The following PDE1B variants were observed in gnomAD, a reference collection of about 807,000 sequenced individuals.
The protein encoded by PDE1B is dual specificity calcium/calmodulin-dependent 3',5'-cyclic nucleotide phosphodiesterase 1B.
A neutral mutation model predicts 66.7 loss-of-function variants in PDE1B; 13 were observed. That is an observed-to-expected ratio of 0.19 (90% confidence interval 0.13 to 0.31). The LOEUF is 0.31. Ranked by LOEUF, PDE1B falls within the 10% of genes least tolerant of loss-of-function variation. The probability of loss-of-function intolerance (pLI) is 1.00; values close to 1 mark genes in which losing one functional copy is unlikely to be tolerated. For synonymous variants in PDE1B, 230 were observed against 253.9 expected (o/e 0.91, Z 0.90); for missense variants, 485 against 682.3 (o/e 0.71, Z 3.22).
intron 10 of PDE1B, chr12:54,574,413 GTTGT>G (rs1285277736): frequency 6.6e-6 from 1 of 152,402 alleles, no homozygotes; most frequent in Non-Finnish European, 1.5e-5. Context: ...ATACTTATTT[GTTGT>G]TTGTCACTTA....
intron 2 of PDE1B, among the ~76,000 whole-genome samples, chr12:54,561,899 TATC>T (rs1188055804): frequency 6.6e-6 from 1 of 152,094 alleles, no homozygotes; most frequent in African/African-American, 2.4e-5. Flanking sequence ...GTAGGTGACT[TATC>T]ATTGTTTCTT....
intron 2 of PDE1B, among the ~76,000 whole-genome samples, chr12:54,566,157 G>A (rs1172094002): frequency 1.3e-5 from 2 of 152,226 alleles, no homozygotes; most frequent in Non-Finnish European, 2.9e-5. Flanking sequence ...GAATTCATAA[G>A]TGTAAAACAT....
At chr12:54,562,524 A>T (rs1957435954) in intron 2 of PDE1B, among the ~76,000 whole-genome samples, 1 of 152,154 alleles carries the variant, frequency 6.6e-6, no homozygotes, top group African/African-American at 2.4e-5. Flanking sequence ...AGGGAAAGGT[A>T]CCTTTACTGT....
intron 6 of PDE1B, chr12:54,571,888 C>G (rs1437256278): frequency 6.6e-6 from 1 of 152,262 alleles, no homozygotes; most frequent in African/African-American, 2.4e-5. Context: ...CTACAGAAAC[C>G]TCCCGAGTCC....
At position 54,573,902 on chromosome 12, in the gene PDE1B, T is replaced by TCACACACA. The variant is rs1957672495; in HGVS notation, c.1064+193_1064+194insCACACACA. On this transcript the variant is annotated intron_variant, in intron 10 of 15. Coordinates refer to ENST00000243052, the MANE Select transcript of PDE1B (RefSeq NM_000924.4). This position sits in a 1 kb window ranked among gnomAD's most constrained non-coding sequence, Gnocchi z 5.2. ...GTGTGTGTGTGTGTGTGTGTGTGTG[T>TCACACACA]GTGTGTGTGTCCTTACGTTTACTCA... 1.7e-6 allele frequency: 1 copy of TCACACACA among 592,394 alleles called. No homozygotes were observed. Among genetic ancestry groups the TCACACACA allele is most frequent in the Non-Finnish European group, 3.0e-6 (1 of 329,128 alleles). The allele number at this position is 592,394 out of a possible 1,614,324, so 36.7% of individuals were successfully genotyped here.
At position 54,554,546 on chromosome 12, in the gene PDE1B, T is replaced by C. The variant is rs139579739; in HGVS notation, c.113+4561T>C. On this transcript the variant is annotated intron_variant, in intron 2 of 15. Transcript: ENST00000243052. ...TTTGTCTTGAATGAGGACTGTGTGG[T>C]ATCTCTGGGAAGGTAGAGGGTAGAA... Among the ~76,000 whole-genome samples, 406 of 152,272 alleles carry C rather than the reference T, an allele frequency of 2.7e-3. 8 individuals are homozygous for C. The highest frequency in any genetic ancestry group is 0.026 in the Admixed American group (392 of 15,294).
At chr12:54,576,549 C>G (rs1406340221) in intron 13 of PDE1B, 22 bp from the exon 14 acceptor site, 10 of 1,613,906 alleles carry the variant, frequency 6.2e-6, no homozygotes, top group Non-Finnish European at 8.5e-6. Flanking sequence ...CCTCTTGCGG[C>G]TTTTGGGGGT....
Position 54,569,650 on chromosome 12 carries a change from G to A in PDE1B, c.477+38G>A. ...TTTTTGGGAAAGAGGAGAAAGTTAG[G>A]GGATGGAATAGCCACTGGGACTTCT... On this transcript the variant is annotated intron_variant, in intron 5 of 15. Transcript: ENST00000243052. The surrounding 1 kb of genome is among the most constrained non-coding windows in gnomAD (Gnocchi z 4.4). The A allele has an allele frequency of 1.4e-6, 2 of 1,425,564 alleles. No homozygotes were observed. The highest frequency in any genetic ancestry group is 1.4e-5 in the African/African-American group (1 of 71,268). The allele number at this position is 1,425,564 out of a possible 1,614,324, so 88.3% of individuals were successfully genotyped here. A position where few individuals can be genotyped will look rare whatever the true frequency, so the allele number is the denominator to read the frequency against.
Position 54,569,006 on chromosome 12 carries a change from T to G in PDE1B, c.228-178T>G, listed in dbSNP as rs1957569758. The G allele has an allele frequency of 9.2e-7, 1 of 1,084,868 alleles. No homozygotes were observed. The allele number at this position is 1,084,868 out of a possible 1,614,324, so 67.2% of individuals were successfully genotyped here. A position where few individuals can be genotyped will look rare whatever the true frequency, so the allele number is the denominator to read the frequency against. ...TCACTACCTCACATGGAGACCTGTTTCATTATTGGAGATGTTAGATAAAGA... is the reference window on the plus strand; with the variant it reads ...TCACTACCTCACATGGAGACCTGTTGCATTATTGGAGATGTTAGATAAAGA... On this transcript the variant is annotated intron_variant, in intron 3 of 15. Transcript: ENST00000243052. This position sits in a 1 kb window ranked among gnomAD's most constrained non-coding sequence, Gnocchi z 4.4.
intron 2 of PDE1B, among the ~76,000 whole-genome samples, chr12:54,557,296 T>A (rs940551930): frequency 2.6e-5 from 4 of 152,184 alleles, no homozygotes; most frequent in Admixed American, 2.0e-4. Flanking sequence ...TAAATTGCAG[T>A]GAAATAAATT....
intron 2 of PDE1B, among the ~76,000 whole-genome samples, chr12:54,550,640 G>A (rs540163534): frequency 6.8e-4 from 103 of 152,236 alleles, no homozygotes; most frequent in African/African-American, 2.4e-3. Flanking sequence ...CCTGGAAGCT[G>A]AAGGAGGTGA....
At chr12:54,563,003 C>T (rs1374061430) in intron 2 of PDE1B, among the ~76,000 whole-genome samples, 1 of 152,176 alleles carries the variant, frequency 6.6e-6, no homozygotes, top group Non-Finnish European at 1.5e-5. Flanking sequence ...TTCTCAGGCT[C>T]ACTGTTATTT....
intron 13 of PDE1B, 85 bp from the exon 14 acceptor site, chr12:54,576,486 T>G: frequency 2.6e-6 from 4 of 1,537,128 alleles, no homozygotes; most frequent in Non-Finnish European, 3.6e-6. Context: ...CTCCTGGTCT[T>G]CCATGTCCTG....
At chr12:54,561,126 T>C (rs1244277739) in intron 2 of PDE1B, among the ~76,000 whole-genome samples, 1 of 152,168 alleles carries the variant, frequency 6.6e-6, no homozygotes, top group African/African-American at 2.4e-5. Flanking sequence ...TTAGCTCCTT[T>C]TGGGGGTTCT....
chr12:54,565,446 T>G (rs979564721), intron 2 of PDE1B, among the ~76,000 whole-genome samples: 5 of 152,222 alleles, frequency 3.3e-5, no homozygotes, highest in Non-Finnish European at 5.9e-5. Context: ...CATAGCCCCT[T>G]TCCAGCTCAT....
At chr12:54,550,833 G>A (rs947597646) in intron 2 of PDE1B, among the ~76,000 whole-genome samples, 1 of 152,154 alleles carries the variant, frequency 6.6e-6, no homozygotes, top group African/African-American at 2.4e-5. Context: ...TGATACTCCA[G>A]TCCCAGGGGA....
Position 54,576,597 on chromosome 12 carries a change from A to G in PDE1B, c.1403A>G (p.Asp468Gly). ...PSFQWRQPSL[D>G]VEVGDPNPDV... ...TTTCAGTGGCGCCAGCCCTCTCTGG[A>G]TGTGGAAGTGGGAGACCCCAACCCT... is the stretch of plus-strand genomic sequence containing the variant. Residue 468 changes from aspartate to glycine, a missense_variant, in exon 14 of 16, where the codon GAT becomes GGT. Asp to Gly is a moderately conservative substitution (Grantham distance 94). This residue lies in a region of PDE1B where 126 missense variants were observed against 133.8 expected (regional missense o/e 0.94). Coordinates refer to ENST00000243052, the MANE Select transcript of PDE1B (RefSeq NM_000924.4). 1 of 1,613,814 alleles carries G rather than the reference A, an allele frequency of 6.2e-7. No homozygotes were observed. Among genetic ancestry groups the G allele is most frequent in the Non-Finnish European group, 8.5e-7 (1 of 1,179,972 alleles).
intron 15 of PDE1B, chr12:54,577,589 G>C: frequency 6.7e-7 from 1 of 1,499,982 alleles, no homozygotes; most frequent in Non-Finnish European, 8.8e-7. Context: ...GCAGAACAGG[G>C]TGGGCCCATG....
At position 54,575,921 on chromosome 12, in the gene PDE1B, C is replaced by G. The variant is rs1015364116; in HGVS notation, c.1268-71C>G. 9.5e-6 allele frequency: 11 copies of G among 1,157,942 alleles called. No individual in the cohort carries two copies. Among genetic ancestry groups the G allele is most frequent in the East Asian group, 4.7e-5 (2 of 42,338 alleles). 71.7% of individuals were successfully genotyped at this position (1,157,942 alleles called of 1,614,324 possible). A position where few individuals can be genotyped will look rare whatever the true frequency, so the allele number is the denominator to read the frequency against. ...TAAGCAGCCAGGGGTCCTGGCCATG[C>G]CAGCTGCATGCTCTGCCTAGCCCTC... On this transcript the variant is annotated intron_variant, in intron 12 of 15. Coordinates refer to ENST00000243052, the MANE Select transcript of PDE1B (RefSeq NM_000924.4). This position sits in a 1 kb window ranked among gnomAD's most constrained non-coding sequence, Gnocchi z 4.0.
Sources: allele counts gnomAD v4.1 joint callset (sites outside exome capture counted in the v4.1 genomes callset), GRCh38; gene constraint gnomAD v4.1.1; regional missense constraint gnomAD v4.1.1; non-coding constraint Gnocchi (gnomAD v3.1); transcripts MANE v1.5; gene names NCBI Gene and HGNC (gene_info 2026-07-23, HGNC 2026-07-21).